The following SCMH1 variants were observed in gnomAD, a reference collection of about 807,000 sequenced individuals.
SCMH1 encodes the protein Scm polycomb group protein homolog 1.
In SCMH1, 37 loss-of-function variants were observed where a neutral mutation model predicts 70.8. The ratio of observed to expected loss-of-function variants is 0.52; its 90% CI spans 0.40 to 0.69. SCMH1 has a LOEUF of 0.69. Among genes scored for constraint, SCMH1 ranks in the 30% least tolerant of loss-of-function variants. SCMH1 has a pLI of 0.00. For missense variants in SCMH1, 607 were observed against 827.3 expected (o/e 0.73, Z 3.27); for synonymous variants, 292 against 307.4 (o/e 0.95, Z 0.52).
intron 8 of SCMH1, among the ~76,000 whole-genome samples, chr1:41,108,295 T>C (rs1536935): frequency 0.083 from 12,626 of 152,262 alleles, 668 homozygotes; most frequent in South Asian, 0.13. Context: ...ATAAAGTAGC[T>C]TGGGTCTCAT....
At chr1:41,235,238 T>C (rs1056170678) in intron 1 of SCMH1, among the ~76,000 whole-genome samples, 2 of 152,158 alleles carry the variant, frequency 1.3e-5, no homozygotes, top group Admixed American at 1.3e-4. Context: ...ACCCTAATAT[T>C]AGTATTTCTT....
intron 1 of SCMH1, among the ~76,000 whole-genome samples, chr1:41,230,209 C>T (rs559763421): frequency 3.9e-5 from 6 of 152,042 alleles, no homozygotes; most frequent in African/African-American, 1.2e-4. Flanking sequence ...AGTAGACACA[C>T]GAAAGCCATA....
At chr1:41,117,038 TAA>T in intron 6 of SCMH1, 28 bp from the exon 7 acceptor site, 1 of 1,578,524 alleles carries the variant, frequency 6.3e-7, no homozygotes, top group South Asian at 1.2e-5. Context: ...GGCAACAGAT[TAA>T]AAGTATGTTT....
intron 5 of SCMH1, 144 bp from the exon 6 acceptor site, chr1:41,143,256 A>T (rs1644258493): frequency 3.1e-6 from 2 of 635,342 alleles, no homozygotes; most frequent in East Asian, 5.5e-5. Context: ...ATGCAAAAGA[A>T]ACAATGAAAG....
chr1:41,175,822 C>T (rs1050354669), intron 2 of SCMH1, among the ~76,000 whole-genome samples: 9 of 152,080 alleles, frequency 5.9e-5, no homozygotes, highest in Non-Finnish European at 1.0e-4. Flanking sequence ...GCCTGCTATG[C>T]TTGTTTTCCT....
At chr1:41,135,098 AT>A (rs754029941) in intron 6 of SCMH1, among the ~76,000 whole-genome samples, 4 of 152,110 alleles carry the variant, frequency 2.6e-5, no homozygotes, top group East Asian at 3.8e-4. Context: ...TTTATTTAGG[AT>A]TTTAATAACA....
chr1:41,224,329 C>T (rs1449320581), intron 1 of SCMH1, among the ~76,000 whole-genome samples: 2 of 151,756 alleles, frequency 1.3e-5, no homozygotes, highest in Admixed American at 6.6e-5. Flanking sequence ...TTTCTTTATC[C>T]CCTGTATCTA....
At chr1:41,194,647 A>G (rs995519971) in intron 1 of SCMH1, among the ~76,000 whole-genome samples, 16 of 152,352 alleles carry the variant, frequency 1.1e-4, no homozygotes, top group Admixed American at 2.6e-4. Context: ...TTACACAATA[A>G]TAGGTAAACT....
chr1:41,041,443 T>A (rs901805248), intron 12 of SCMH1: 7 of 150,410 alleles, frequency 4.7e-5, no homozygotes, highest in Non-Finnish European at 1.5e-5. Context: ...ATTATAATTA[T>A]AACAAAGGAA....
rs546412439 is a variant in SCMH1 at position 41,186,266 on chromosome 1, G to C, written c.-117-16C>G. The C allele has an allele frequency of 1.3e-3, 835 of 632,524 alleles. 1 individual carries two copies. Among genetic ancestry groups the C allele is most frequent in the Non-Finnish European group, 2.3e-3 (772 of 335,074 alleles). The allele number at this position is 632,524 out of a possible 1,614,324, so 39.2% of individuals were successfully genotyped here. A position where few individuals can be genotyped will look rare whatever the true frequency, so the allele number is the denominator to read the frequency against. On this transcript the variant is annotated splice_polypyrimidine_tract_variant and intron_variant, in intron 1 of 14. Coordinates refer to ENST00000337495, the Ensembl canonical transcript of SCMH1. ...ATTTCTCCATCTGTAAAAAAGGTAGGTGGGGAGGAAGGAGAAGAACATTTA... is the reference window on the plus strand; with the variant it reads ...ATTTCTCCATCTGTAAAAAAGGTAGCTGGGGAGGAAGGAGAAGAACATTTA...
rs769226741 is a variant in SCMH1, at chr1:41,191,084, A to C, written c.-117-4834T>G. 6.0e-4 allele frequency among the ~76,000 whole-genome samples: 92 copies of C among 152,298 alleles called. 1 individual carries two copies. Among genetic ancestry groups the C allele is most frequent in the African/African-American group, 2.1e-3 (87 of 41,558 alleles). Reference sequence around the variant, plus strand: ...GAGGCGAGGTCTCACTATGTTATCCAGGCTGGTCTTGAACTCCTGGCCTCA... The same window carrying C: ...GAGGCGAGGTCTCACTATGTTATCCCGGCTGGTCTTGAACTCCTGGCCTCA... On this transcript the variant is annotated intron_variant, in intron 1 of 14. Coordinates refer to ENST00000337495, the Ensembl canonical transcript of SCMH1.
At chr1:41,122,920 T>C (rs1428029044) in intron 6 of SCMH1, among the ~76,000 whole-genome samples, 1 of 152,086 alleles carries the variant, frequency 6.6e-6, no homozygotes, top group South Asian at 2.1e-4. Context: ...TGAAACTGGA[T>C]TTAAGAGTGG....
In SCMH1 at chr1:41,117,594, TCTAA is replaced by T. The variant is rs887524727; in HGVS notation, c.413-588_413-585del. On this transcript the variant is annotated intron_variant, in intron 6 of 14. Transcript: ENST00000337495. ...AGGCCCGCCTGCAGTTATCCAAAGGTCTAACTGTCTCCCTGTGATGCTGTGCTTC... is the reference window on the plus strand; with the variant it reads ...AGGCCCGCCTGCAGTTATCCAAAGGTCTGTCTCCCTGTGATGCTGTGCTTC... 3.9e-5 allele frequency among the ~76,000 whole-genome samples: 6 copies of T among 152,146 alleles called. No individual in the cohort carries two copies. In the South Asian group the frequency reaches 1.0e-3, roughly 26 times the overall value.
intron 13 of SCMH1, among the ~76,000 whole-genome samples, chr1:41,035,129 C>A (rs1381854900): frequency 6.6e-6 from 1 of 152,216 alleles, no homozygotes; most frequent in Admixed American, 6.5e-5. Flanking sequence ...TCCACTGTAA[C>A]CATTATATCA....
At chr1:41,181,228 C>G in intron 2 of SCMH1, among the ~76,000 whole-genome samples, 1 of 152,126 alleles carries the variant, frequency 6.6e-6, no homozygotes, top group Non-Finnish European at 1.5e-5. Flanking sequence ...AATGTTAGAC[C>G]TAAACCCATA....
intron 7 of SCMH1, among the ~76,000 whole-genome samples, chr1:41,115,934 A>G (rs1430716613): frequency 6.6e-6 from 1 of 152,190 alleles, no homozygotes; most frequent in East Asian, 1.9e-4. Context: ...TCTATGTATG[A>G]TTATAATGAG....
At position 41,047,106 on chromosome 1, in the gene SCMH1, C is replaced by T. The variant is rs528172419; in HGVS notation, c.1307-508G>A. On this transcript the variant is annotated intron_variant, in intron 11 of 14. Coordinates refer to ENST00000337495, the Ensembl canonical transcript of SCMH1. ...TGCTTGGTGTTAGTTTACTTCCTAT[C>T]ATCTTTTTCTATAAAAATGTATCAG... Among the ~76,000 whole-genome samples, 8 of 152,288 alleles carry T rather than the reference C, an allele frequency of 5.3e-5. No homozygotes were observed. The East Asian group carries it at 1.3e-3, about 26-fold the overall frequency.
At chr1:41,055,483 G>T (rs894447211) in intron 10 of SCMH1, among the ~76,000 whole-genome samples, 17 of 152,164 alleles carry the variant, frequency 1.1e-4, no homozygotes, top group African/African-American at 3.6e-4. Context: ...CTGAGTAGCT[G>T]GGACTACAGG....
intron 10 of SCMH1, among the ~76,000 whole-genome samples, chr1:41,054,428 A>G (rs1185271934): frequency 6.6e-6 from 1 of 152,236 alleles, no homozygotes; most frequent in Non-Finnish European, 1.5e-5. Context: ...CAGGACTTGC[A>G]GAATTTACAA....
Sources: gnomAD v4.1 joint callset for allele counts (sites outside exome capture counted in the v4.1 genomes callset) on GRCh38, gnomAD v4.1.1 for gene constraint, MANE v1.5 for transcripts, NCBI Gene and HGNC (gene_info 2026-07-23, HGNC 2026-07-21) for gene names.